VPS8: variants seen among roughly 807,000 people sequenced by gnomAD.
The protein encoded by VPS8 is vacuolar protein sorting-associated protein 8 homolog.
VPS8 carries 129 observed loss-of-function variants against 216.4 expected under a neutral mutation model. That is an observed-to-expected ratio of 0.60 (90% CI 0.52 to 0.69). The LOEUF (loss-of-function observed/expected upper bound fraction) is 0.69, where lower values mean the gene tolerates loss of function less well. Ranked by LOEUF, VPS8 falls within the 30% of genes least tolerant of loss-of-function variation. VPS8 has a pLI of 0.00. For missense variants in VPS8, 1,531 were observed against 1,683.5 expected (o/e 0.91, Z 1.59); for synonymous variants, 571 against 565.4 (o/e 1.01, Z -0.14).
chr3:184,860,969 C>T (rs1377327425), intron 15 of VPS8, among the ~76,000 whole-genome samples: 2 of 151,588 alleles, frequency 1.3e-5, no homozygotes, highest in Non-Finnish European at 2.9e-5. Context: ...CTACAGGTGC[C>T]CCCCCATCAC....
chr3:184,839,012 C>T (rs1721625621), intron 6 of VPS8: 1 of 323,640 alleles, frequency 3.1e-6, no homozygotes, highest in Non-Finnish European at 5.6e-6. Context: ...TAGTACTACC[C>T]TGCCCAAGTA....
chr3:184,944,469 T>C, intron 36 of VPS8: 1 of 983,426 alleles, frequency 1.0e-6, no homozygotes, highest in African/African-American at 1.7e-5. Context: ...TCACAGGAGT[T>C]CTCCTGATGT....
intron 46 of VPS8, among the ~76,000 whole-genome samples, chr3:185,044,689 G>A (rs1376796179): frequency 6.6e-6 from 1 of 152,054 alleles, no homozygotes; most frequent in East Asian, 1.9e-4. Context: ...TCATTCTAGG[G>A]TCATGACTAC....
chr3:185,026,243 A>G lies in VPS8; in HGVS notation c.4056+1854A>G, dbSNP rs190290391. Reference sequence around the variant, plus strand: ...AAAACAGTACAACTATTTACATTGTATTGGGTATTATAAGTAATCTAAAGA... The same window carrying G: ...AAAACAGTACAACTATTTACATTGTGTTGGGTATTATAAGTAATCTAAAGA... On this transcript the variant is annotated intron_variant, in intron 46 of 47. Transcript: ENST00000625842. 5.9e-5 allele frequency among the ~76,000 whole-genome samples: 9 copies of G among 152,260 alleles called. No homozygotes were observed. The East Asian group carries it at 1.5e-3, about 26-fold the overall frequency.
At position 184,968,454 on chromosome 3, in the gene VPS8, A is replaced by G. The variant is rs577457991; in HGVS notation, c.3316+1741A>G. On this transcript the variant is annotated intron_variant, in intron 39 of 47. Coordinates refer to ENST00000625842, the MANE Select transcript of VPS8 (RefSeq NM_001009921.3). ...TCTGTTAATTTTTTGAGGAATGGCC[A>G]TACTGTTTTCCCTAGTTGCTGCTTC... Among the ~76,000 whole-genome samples, 6 of 152,314 alleles carry G rather than the reference A, an allele frequency of 3.9e-5. No individual in the cohort carries two copies. The South Asian group carries it at 1.0e-3, about 26-fold the overall frequency.
intron 40 of VPS8, among the ~76,000 whole-genome samples, chr3:184,979,136 TG>T (rs1749778940): frequency 6.6e-6 from 1 of 152,240 alleles, no homozygotes; most frequent in South Asian, 2.1e-4. Context: ...TACTGATTTC[TG>T]TTTTTTTAAT....
chr3:184,871,843 A>G (rs1385100638), intron 21 of VPS8, among the ~76,000 whole-genome samples: 1 of 152,148 alleles, frequency 6.6e-6, no homozygotes, highest in African/African-American at 2.4e-5. Flanking sequence ...TGATGCTTGT[A>G]ACATTGGAAG....
intron 36 of VPS8, among the ~76,000 whole-genome samples, chr3:184,956,593 A>G (rs970061524): frequency 9.9e-5 from 15 of 152,234 alleles, no homozygotes; most frequent in Non-Finnish European, 2.2e-4. Flanking sequence ...TTTTGAAGCT[A>G]GAGAGAGGAT....
chr3:184,985,942 G>A (rs1162856986), intron 42 of VPS8, among the ~76,000 whole-genome samples: 1 of 152,140 alleles, frequency 6.6e-6, no homozygotes, highest in Non-Finnish European at 1.5e-5. Flanking sequence ...GAGACCATGT[G>A]GGGAGAAAAA....
intron 7 of VPS8, among the ~76,000 whole-genome samples, chr3:184,841,927 AAGAT>A (rs1358528988): frequency 1.3e-5 from 2 of 152,172 alleles, no homozygotes; most frequent in African/African-American, 4.8e-5. Context: ...GGCAAATTCT[AAGAT>A]AGGAAGAAAA....
intron 39 of VPS8, 120 bp downstream of exon 39, chr3:184,966,833 TATTC>T: frequency 1.6e-6 from 1 of 627,830 alleles, no homozygotes; most frequent in Non-Finnish European, 2.5e-6. Flanking sequence ...AATTACTGTT[TATTC>T]ATTTTAACAT....
intron 3 of VPS8, among the ~76,000 whole-genome samples, chr3:184,828,079 A>G (rs1415012538): frequency 6.6e-6 from 1 of 152,188 alleles, no homozygotes; most frequent in Non-Finnish European, 1.5e-5. Context: ...TATAATGTTC[A>G]TTAATATCAA....
intron 36 of VPS8, chr3:184,944,528 T>A (rs1293182092): frequency 3.0e-6 from 3 of 985,288 alleles, no homozygotes; most frequent in Non-Finnish European, 3.6e-6. Context: ...GCTTAAAGGA[T>A]AATACAAAAG....
intron 46 of VPS8, among the ~76,000 whole-genome samples, chr3:185,025,718 G>A (rs1447642607): frequency 2.0e-5 from 3 of 152,136 alleles, no homozygotes; most frequent in South Asian, 2.1e-4. Context: ...GTAAGTAGAC[G>A]AGGAAATGGA....
intron 45 of VPS8, among the ~76,000 whole-genome samples, chr3:185,008,898 C>T (rs1754611761): frequency 6.6e-6 from 1 of 151,956 alleles, no homozygotes; most frequent in African/African-American, 2.4e-5. Context: ...GTGATAGGTA[C>T]TTAATTGACA....
At chr3:185,038,272 T>G (rs1019435342) in intron 46 of VPS8, among the ~76,000 whole-genome samples, 5 of 152,234 alleles carry the variant, frequency 3.3e-5, no homozygotes, top group African/African-American at 1.2e-4. Flanking sequence ...TGTTGTTGTT[T>G]GTTTGTTTTT....
intron 34 of VPS8, among the ~76,000 whole-genome samples, chr3:184,935,627 G>C (rs1445304537): frequency 6.6e-6 from 1 of 152,156 alleles, no homozygotes; most frequent in African/African-American, 2.4e-5. Flanking sequence ...CAAGTAAGAA[G>C]AGAGTTTTAA....
chr3:184,988,006 G>A lies in VPS8; in HGVS notation c.3585+4912G>A, dbSNP rs573930909. Among the ~76,000 whole-genome samples the A allele has an allele frequency of 2.0e-5, 3 of 152,276 alleles. 1 individual carries two copies. The East Asian group carries it at 5.8e-4, about 29-fold the overall frequency. On this transcript the variant is annotated intron_variant, in intron 42 of 47. Coordinates refer to ENST00000625842, the MANE Select transcript of VPS8 (RefSeq NM_001009921.3). ...GATATTGAGCTTTTACGTGCTTTTT[G>A]AAGTGTTTGTTTTCTTGTTGTTGGG...
At position 184,999,686 on chromosome 3, in the gene VPS8, C is replaced by A. The variant is rs1320561548; in HGVS notation, c.3837-10C>A. 1 of 1,597,096 alleles carries A rather than the reference C, an allele frequency of 6.3e-7. No individual in the cohort carries two copies. The highest frequency in any genetic ancestry group is 8.5e-7 in the Non-Finnish European group (1 of 1,174,664). ...ATAAAAAGTACAAATTGGTTGCCTT[C>A]GTTTTGCAGCTGTGGCCATTTGTAT... On this transcript the variant is annotated splice_polypyrimidine_tract_variant and intron_variant, in intron 44 of 47. Coordinates refer to ENST00000625842, the MANE Select transcript of VPS8 (RefSeq NM_001009921.3).
Sources: gnomAD v4.1 joint callset for allele counts (sites outside exome capture counted in the v4.1 genomes callset) on GRCh38, gnomAD v4.1.1 for gene constraint, MANE v1.5 for transcripts, NCBI Gene and HGNC (gene_info 2026-07-23, HGNC 2026-07-21) for gene names.